Variants in AOPEP observed in about 807,000 individuals in gnomAD.
AOPEP encodes aminopeptidase O.
In AOPEP, 77 loss-of-function variants were observed where a neutral mutation model predicts 98.1. That is an observed-to-expected ratio of 0.78 (90% CI 0.65 to 0.95). AOPEP has a LOEUF of 0.95. Among genes scored for constraint, AOPEP ranks in the 40% least tolerant of loss-of-function variants. The pLI is 0.00. For synonymous variants in AOPEP, 346 were observed against 365.3 expected (o/e 0.95, Z 0.60); for missense variants, 1,024 against 1,024.7 (o/e 1.00, Z 0.01).
chr9:95,031,386 G>A (rs1052070418), intron 13 of AOPEP, among the ~76,000 whole-genome samples: 8 of 152,234 alleles, frequency 5.3e-5, no homozygotes, highest in Non-Finnish European at 7.4e-5. Context: ...ATCACGGAGC[G>A]TGTTCTTGGT....
rs1184490310 is a variant in AOPEP at position 94,930,997 on chromosome 9, G to A, written c.1661+2466G>A. ...AAGGCTCAGTCCCTCCACCTAAGAG[G>A]TCATTTCCATTACGTCTCTTAGTCC... On this transcript the variant is annotated intron_variant, in intron 7 of 16. Coordinates refer to ENST00000375315, the MANE Select transcript of AOPEP (RefSeq NM_001193329.3). The surrounding 1 kb of genome is among the most constrained non-coding windows in gnomAD (Gnocchi z 4.5). 6.6e-6 allele frequency among the ~76,000 whole-genome samples: 1 copy of A among 152,134 alleles called. No individual in the cohort carries two copies. The highest frequency in any genetic ancestry group is 1.9e-4 in the East Asian group (1 of 5,188).
the AOPEP span, among the ~76,000 whole-genome samples, chr9:95,120,252 T>C: frequency 1.3e-5 from 2 of 152,176 alleles, no homozygotes; most frequent in African/African-American, 4.8e-5. Context: ...TATTCCAGCA[T>C]CATTTGTTGA....
chr9:94,924,001 CCT>C lies in AOPEP; in HGVS notation c.1386_1387del (p.Gln463GlufsTer17). On this transcript the variant is annotated frameshift_variant, in exon 6 of 17. Coordinates refer to ENST00000375315, the MANE Select transcript of AOPEP (RefSeq NM_001193329.3). LOFTEE classifies it high-confidence loss of function. ...TTATCCACAGCCCACACATCATGTT[CCT>C]CTCTCAGAGCATCTTGACAGGAGGG... The part of the protein sequence containing the change: ...LGMASPHIMF[L>X]SQSILTGGNH... The C allele has an allele frequency of 2.0e-6, 3 of 1,466,574 alleles. No homozygotes were observed. The highest frequency in any genetic ancestry group is 2.7e-6 in the Non-Finnish European group (3 of 1,102,762). The allele number at this position is 1,466,574 out of a possible 1,614,324, so 90.8% of individuals were successfully genotyped here. A position where few individuals can be genotyped will look rare whatever the true frequency, so the allele number is the denominator to read the frequency against.
chr9:94,756,170 G>T (rs1836992104), intron 1 of AOPEP, among the ~76,000 whole-genome samples: 1 of 151,500 alleles, frequency 6.6e-6, no homozygotes, highest in Non-Finnish European at 1.5e-5. Flanking sequence ...TGAGGCAGGA[G>T]AATGGCGTGA....
chr9:95,078,439 T>G (rs2069326772), intron 14 of AOPEP, among the ~76,000 whole-genome samples: 1 of 152,232 alleles, frequency 6.6e-6, no homozygotes, highest in Non-Finnish European at 1.5e-5. Flanking sequence ...ACAGCAGTCA[T>G]TGCCAAAAGT....
At chr9:95,080,335 G>A (rs771337307) in intron 14 of AOPEP, among the ~76,000 whole-genome samples, 1 of 152,116 alleles carries the variant, frequency 6.6e-6, no homozygotes, top group Non-Finnish European at 1.5e-5. Flanking sequence ...AGACCAGCCT[G>A]GCCAACATAG....
chr9:95,128,606 T>C, the AOPEP span, among the ~76,000 whole-genome samples: 1 of 152,166 alleles, frequency 6.6e-6, no homozygotes, highest in Non-Finnish European at 1.5e-5. Flanking sequence ...GGAAGACAGC[T>C]CTTACTCAGT....
At chr9:94,870,096 C>T (rs1300012036) in intron 5 of AOPEP, among the ~76,000 whole-genome samples, 1 of 147,616 alleles carries the variant, frequency 6.8e-6, no homozygotes, top group Non-Finnish European at 1.5e-5. Context: ...TCAAGCGATT[C>T]TCCTGCCTCA....
chr9:94,924,022 A>C lies in AOPEP; in HGVS notation c.1401A>C (p.Thr467=). The change falls in exon 6 of 17, where the codon ACA becomes ACC. Residue 467 remains threonine, a synonymous_variant. Transcript: ENST00000375315. ...HIMFLSQSIL[T]GGNHLCGTRL... Reference sequence around the variant, plus strand: ...TGTTCCTCTCTCAGAGCATCTTGACAGGAGGGAACCATCTCTGTGGGACCC... The same window carrying C: ...TGTTCCTCTCTCAGAGCATCTTGACCGGAGGGAACCATCTCTGTGGGACCC... 1 of 1,491,642 alleles carries C rather than the reference A, an allele frequency of 6.7e-7. No homozygotes were observed. The highest frequency in any genetic ancestry group is 8.9e-7 in the Non-Finnish European group (1 of 1,117,430). The allele number at this position is 1,491,642 out of a possible 1,614,324, so 92.4% of individuals were successfully genotyped here.
intron 3 of AOPEP, chr9:94,773,401 T>A (rs796572012): frequency 5.2e-6 from 2 of 385,614 alleles, no homozygotes; most frequent in South Asian, 5.1e-5. Flanking sequence ...CATAGACTAT[T>A]TCAGCAGTTG....
At chr9:94,759,515 C>CA in intron 1 of AOPEP, 134 bp from the exon 2 acceptor site, 1 of 375,732 alleles carries the variant, frequency 2.7e-6, no homozygotes, top group Non-Finnish European at 4.8e-6. Flanking sequence ...AAAGATAAGT[C>CA]AGCCTTCTAG....
chr9:94,885,770 T>C (rs1306007724), intron 5 of AOPEP, among the ~76,000 whole-genome samples: 1 of 152,192 alleles, frequency 6.6e-6, no homozygotes, highest in Non-Finnish European at 1.5e-5. Context: ...TGTATAGTAA[T>C]CATATTTTGC....
At chr9:94,903,089 T>C (rs1435096864) in intron 5 of AOPEP, among the ~76,000 whole-genome samples, 3 of 151,444 alleles carry the variant, frequency 2.0e-5, no homozygotes, top group Admixed American at 2.0e-4. Flanking sequence ...CAAGCACTTC[T>C]CCTGCCTCAG....
intron 13 of AOPEP, among the ~76,000 whole-genome samples, chr9:95,058,878 G>A (rs1270927271): frequency 2.0e-5 from 3 of 152,186 alleles, no homozygotes; most frequent in Admixed American, 6.5e-5. Flanking sequence ...ACCTCTCTCG[G>A]AACATCACAG....
the AOPEP span, among the ~76,000 whole-genome samples, chr9:95,103,957 T>C: frequency 2.0e-5 from 3 of 152,168 alleles, no homozygotes; most frequent in African/African-American, 7.2e-5. Context: ...GATGCCAAGA[T>C]AGAGGGCAGA....
At chr9:95,051,197 C>A (rs2066328212) in intron 13 of AOPEP, among the ~76,000 whole-genome samples, 1 of 148,688 alleles carries the variant, frequency 6.7e-6, no homozygotes, top group Non-Finnish European at 1.5e-5. Flanking sequence ...TCGAGTGATT[C>A]TTCTGCCTCA....
At chr9:94,835,231 A>G (rs1446078950) in intron 5 of AOPEP, among the ~76,000 whole-genome samples, 1 of 152,168 alleles carries the variant, frequency 6.6e-6, no homozygotes, top group African/African-American at 2.4e-5. Flanking sequence ...ACAAGAGTCT[A>G]GCTAGGGGAG....
chr9:94,745,734 G>A (rs1011313016), intron 1 of AOPEP, among the ~76,000 whole-genome samples: 2 of 152,108 alleles, frequency 1.3e-5, no homozygotes, highest in Admixed American at 1.3e-4. Context: ...ACTCTACTGT[G>A]TATATGTACC....
At chr9:94,758,197 G>A (rs750291968) in intron 1 of AOPEP, among the ~76,000 whole-genome samples, 18 of 152,198 alleles carry the variant, frequency 1.2e-4, no homozygotes, top group East Asian at 5.8e-4. Flanking sequence ...AGCCAGGAGC[G>A]CTCCAGGTCT....
Sources: gnomAD v4.1 joint callset for allele counts (sites outside exome capture counted in the v4.1 genomes callset) on GRCh38, gnomAD v4.1.1 for gene constraint, Gnocchi (gnomAD v3.1) non-coding constraint, MANE v1.5 for transcripts, NCBI Gene and HGNC (gene_info 2026-07-23, HGNC 2026-07-21) for gene names.